The following CACNA2D3 variants were observed in gnomAD, a reference collection of about 807,000 sequenced individuals.
CACNA2D3 encodes the protein calcium voltage-gated channel auxiliary subunit alpha2delta 3, also known as voltage-dependent calcium channel subunit alpha-2/delta-3.
A neutral mutation model predicts 160.6 loss-of-function variants in CACNA2D3; 60 were observed. The ratio of observed to expected loss-of-function variants is 0.37; its 90% confidence interval spans 0.30 to 0.46. The LOEUF is 0.46. Among genes scored for constraint, CACNA2D3 ranks in the 20% least tolerant of loss-of-function variants. CACNA2D3 has a pLI of 1.00. For missense variants in CACNA2D3, 1,205 were observed against 1,365.0 expected, an observed-to-expected ratio of 0.88 and a Z score of 1.85; for synonymous variants, 558 against 492.9, an observed-to-expected ratio of 1.13 and a Z score of -1.75.
chr3:54,276,224 A>G (rs1380805917), intron 2 of CACNA2D3, among the ~76,000 whole-genome samples: 1 of 152,102 alleles, frequency 6.6e-6, no homozygotes, highest in Non-Finnish European at 1.5e-5. Context: ...CAGGGTTCAC[A>G]CTGGAAAGAT....
intron 11 of CACNA2D3, 146 bp from the exon 12 acceptor site, chr3:54,752,453 T>TA (rs1236015332): frequency 1.6e-6 from 1 of 620,416 alleles, no homozygotes; most frequent in East Asian, 2.8e-5. Flanking sequence ...TAGCTGACTA[T>TA]ACTTCAGATG....
chr3:54,503,406 T>C, intron 4 of CACNA2D3, 86 bp from the exon 5 acceptor site: 1 of 1,155,386 alleles, frequency 8.7e-7, no homozygotes, highest in Admixed American at 1.8e-5. Context: ...GTGTAAGGGA[T>C]GGCACATGGC....
chr3:54,901,522 T>C (rs1057428113), intron 27 of CACNA2D3, among the ~76,000 whole-genome samples: 3 of 152,172 alleles, frequency 2.0e-5, no homozygotes, highest in Non-Finnish European at 2.9e-5. Flanking sequence ...CAGTCTATTG[T>C]CGAGTTGCAT....
intron 13 of CACNA2D3, among the ~76,000 whole-genome samples, chr3:54,789,447 C>G (rs1255300172): frequency 6.6e-6 from 1 of 152,170 alleles, no homozygotes; most frequent in East Asian, 1.9e-4. Context: ...AGTGGAGATT[C>G]CTGACACCGT....
chr3:54,508,762 C>T (rs1701411655), intron 5 of CACNA2D3, among the ~76,000 whole-genome samples: 1 of 152,164 alleles, frequency 6.6e-6, no homozygotes. Context: ...CCCAGCAGGG[C>T]ACCCAGTCGG....
At chr3:54,975,329 G>A (rs1021549426) in intron 29 of CACNA2D3, among the ~76,000 whole-genome samples, 5 of 152,064 alleles carry the variant, frequency 3.3e-5, no homozygotes, top group African/African-American at 1.2e-4. Context: ...GAGCAGCCTG[G>A]CCAACATGGT....
At chr3:54,378,030 A>T (rs534509273) in intron 3 of CACNA2D3, among the ~76,000 whole-genome samples, 1 of 152,194 alleles carries the variant, frequency 6.6e-6, no homozygotes, top group Non-Finnish European at 1.5e-5. Context: ...GTTCTAGTCA[A>T]CACCTTCTGA....
At chr3:54,923,353 GC>G (rs1371149539) in intron 27 of CACNA2D3, among the ~76,000 whole-genome samples, 6 of 151,860 alleles carry the variant, frequency 4.0e-5, no homozygotes, top group Non-Finnish European at 8.8e-5. Flanking sequence ...CCCTCATCAA[GC>G]CCTTTGCGTT....
Position 54,551,707 on chromosome 3 carries a change from G to T in CACNA2D3, c.545-11093G>T, listed in dbSNP as rs148447731. Among the ~76,000 whole-genome samples the T allele has an allele frequency of 1.2e-3, 183 of 152,310 alleles. 3 individuals carry two copies. The highest frequency in any genetic ancestry group is 2.9e-3 in the African/African-American group (122 of 41,572). Reference sequence around the variant, plus strand: ...CTTCTGGAACAGCGTGGGTGCTCTGGCCGTCGTGTTCAGCACAGATTTTCA... The same window carrying T: ...CTTCTGGAACAGCGTGGGTGCTCTGTCCGTCGTGTTCAGCACAGATTTTCA... On this transcript the variant is annotated intron_variant, in intron 5 of 37. Transcript: ENST00000474759.
At chr3:54,541,083 C>T (rs924958054) in intron 5 of CACNA2D3, among the ~76,000 whole-genome samples, 2 of 151,908 alleles carry the variant, frequency 1.3e-5, no homozygotes, top group Non-Finnish European at 1.5e-5. Flanking sequence ...TGAGACCATC[C>T]TGGCTAACAT....
At chr3:54,548,713 A>G (rs1315303566) in intron 5 of CACNA2D3, among the ~76,000 whole-genome samples, 1 of 152,076 alleles carries the variant, frequency 6.6e-6, no homozygotes, top group Admixed American at 6.5e-5. Context: ...TACTACCACT[A>G]CCACCATGGT....
At chr3:54,852,647 A>T (rs1025093899) in intron 17 of CACNA2D3, among the ~76,000 whole-genome samples, 1 of 152,114 alleles carries the variant, frequency 6.6e-6, no homozygotes, top group Non-Finnish European at 1.5e-5. Context: ...TGGGCAGTGC[A>T]CGTTTGTTAG....
At chr3:54,148,425 A>G (rs1700077578) in intron 2 of CACNA2D3, among the ~76,000 whole-genome samples, 1 of 152,186 alleles carries the variant, frequency 6.6e-6, no homozygotes, top group Non-Finnish European at 1.5e-5. Context: ...AATCAGAACT[A>G]GGCGCTGGAA....
chr3:54,311,052 C>T (rs913960482), intron 2 of CACNA2D3, among the ~76,000 whole-genome samples: 5 of 152,290 alleles, frequency 3.3e-5, no homozygotes, highest in Middle Eastern at 3.4e-3. Context: ...GATTCTACTG[C>T]GATTTGAACC....
At chr3:55,040,540 C>A (rs143137321) in intron 35 of CACNA2D3, among the ~76,000 whole-genome samples, 1 of 151,986 alleles carries the variant, frequency 6.6e-6, no homozygotes, top group African/African-American at 2.4e-5. Flanking sequence ...TCATTTAAAG[C>A]GGAGTACAAT....
chr3:54,821,990 T>C (rs1464728596), intron 14 of CACNA2D3, among the ~76,000 whole-genome samples: 1 of 152,148 alleles, frequency 6.6e-6, no homozygotes, highest in African/African-American at 2.4e-5. Context: ...TATATAACCA[T>C]CTAAACTGAT....
intron 12 of CACNA2D3, among the ~76,000 whole-genome samples, chr3:54,760,460 C>T (rs193075094): frequency 6.6e-6 from 1 of 152,152 alleles, no homozygotes; most frequent in East Asian, 1.9e-4. Context: ...CAGGGAGGGT[C>T]TTGGAGGTCA....
intron 32 of CACNA2D3, among the ~76,000 whole-genome samples, chr3:55,005,589 C>T (rs1340387543): frequency 6.6e-6 from 1 of 152,146 alleles, no homozygotes; most frequent in African/African-American, 2.4e-5. Flanking sequence ...GCATCGTTTT[C>T]CCTGGAGCTG....
intron 5 of CACNA2D3, among the ~76,000 whole-genome samples, chr3:54,542,008 A>G (rs764705798): frequency 4.6e-5 from 7 of 151,364 alleles, no homozygotes; most frequent in Non-Finnish European, 1.0e-4. Flanking sequence ...AGGGTTCTCT[A>G]GAGCGACAGA....
Sources: allele counts gnomAD v4.1 joint callset (sites outside exome capture counted in the v4.1 genomes callset), GRCh38; gene constraint gnomAD v4.1.1; transcripts MANE v1.5; gene names NCBI Gene and HGNC (gene_info 2026-07-23, HGNC 2026-07-21).